Variants in TEX261 observed in about 807,000 individuals in gnomAD.
TEX261 encodes protein TEX261.
In TEX261, 13 loss-of-function variants were observed where a neutral mutation model predicts 25.1. That is an observed-to-expected ratio of 0.52 (90% confidence interval 0.34 to 0.82). The LOEUF (loss-of-function observed/expected upper bound fraction) is 0.82, where lower values mean the gene tolerates loss of function less well. Ranked by LOEUF, TEX261 falls within the 40% of genes least tolerant of loss-of-function variation. TEX261 has a pLI of 0.02. For synonymous variants in TEX261, 92 were observed against 97.8 expected (o/e 0.94, Z 0.35); for missense variants, 206 against 243.2 (o/e 0.85, Z 1.02).
chr2:70,990,043 G>T (rs1044066435), intron 3 of TEX261, among the ~76,000 whole-genome samples: 1 of 152,148 alleles, frequency 6.6e-6, no homozygotes, highest in Admixed American at 6.5e-5. Flanking sequence ...TTAGAAGAAG[G>T]CTCTTTGCAT....
chr2:70,990,051 C>T (rs1553425464), intron 3 of TEX261, among the ~76,000 whole-genome samples: 1 of 152,176 alleles, frequency 6.6e-6, no homozygotes, highest in African/African-American at 2.4e-5. Context: ...AGGCTCTTTG[C>T]ATGTTATAAA....
chr2:70,992,070 A>G, intron 2 of TEX261, 87 bp from the exon 3 acceptor site: 1 of 1,327,148 alleles, frequency 7.5e-7, no homozygotes, highest in Non-Finnish European at 1.0e-6. Context: ...TCTGGGCAGC[A>G]CTAGGTTCAT....
Position 70,988,020 on chromosome 2 carries a change from A to G in TEX261, c.*580T>C, listed in dbSNP as rs1553425106. 6.5e-6 allele frequency: 1 copy of G among 154,736 alleles called. No individual in the cohort carries two copies. 9.6% of individuals were successfully genotyped at this position (154,736 alleles called of 1,614,324 possible). On this transcript the variant is annotated 3_prime_UTR_variant, in exon 6 of 6. Transcript: ENST00000272438. ...CTTGGGAAGGGCAAGACCCAAACCC[A>G]GAAAAGGAGTCCCTGGAGCAGAAAA...
intron 2 of TEX261, among the ~76,000 whole-genome samples, chr2:70,993,088 G>A (rs1359020900): frequency 1.3e-5 from 2 of 152,162 alleles, no homozygotes; most frequent in African/African-American, 4.8e-5. Flanking sequence ...GACACCAGGC[G>A]ACTTGAGGGG....
In TEX261 at chr2:70,989,035, T is replaced by C; in HGVS notation, c.373-18A>G. On this transcript the variant is annotated intron_variant, in intron 4 of 5. Coordinates refer to ENST00000272438, the MANE Select transcript of TEX261 (RefSeq NM_144582.3). The stretch of plus-strand genomic sequence containing the variant: ...GCCAGGACCTGGCAACAAGAGAGAC[T>C]GAGAAGAGGGTGCCCCGGAGGTGCC... 6.2e-7 allele frequency: 1 copy of C among 1,607,184 alleles called. No individual in the cohort carries two copies. The highest frequency in any genetic ancestry group is 8.5e-7 in the Non-Finnish European group (1 of 1,176,128).
At chr2:70,992,606 A>G (rs1451737969) in intron 2 of TEX261, among the ~76,000 whole-genome samples, 1 of 152,014 alleles carries the variant, frequency 6.6e-6, no homozygotes, top group African/African-American at 2.4e-5. Context: ...GCACATGCCT[A>G]TAATCCCAGC....
rs1428009765 is a variant in TEX261, at chr2:70,993,704, T to C, written c.142A>G (p.Met48Val). 1.2e-6 allele frequency: 2 copies of C among 1,613,532 alleles called. No homozygotes were observed. The highest frequency in any genetic ancestry group is 2.7e-5 in the African/African-American group (2 of 74,896). The change falls in exon 2 of 6, where the codon ATG becomes GTG. Residue 48 changes from methionine to valine, a missense_variant. By Grantham distance (21) the Met-to-Val change is conservative (BLOSUM62 1). Coordinates refer to ENST00000272438, the MANE Select transcript of TEX261 (RefSeq NM_144582.3). ...AGAAAGATGCCACTTACCCAGATCATGTATTTTATGATCCTGCTGGTGGCC... is the reference window on the plus strand; with the variant it reads ...AGAAAGATGCCACTTACCCAGATCACGTATTTTATGATCCTGCTGGTGGCC... ...TVATSRIIKYMIWFSTAVLIG... is the reference protein window; with the variant it reads ...TVATSRIIKYVIWFSTAVLIG...
At position 70,987,249 on chromosome 2, in the gene TEX261, A is replaced by T. The variant is rs1670206039; in HGVS notation, c.*1351T>A. ...TCGTTCACACTAAGAGGAGACCAAC[A>T]TGTGCTCTTCCTCTCAGGGAAAGGG... is the stretch of plus-strand genomic sequence containing the variant. On this transcript the variant is annotated 3_prime_UTR_variant, in exon 6 of 6. Coordinates refer to ENST00000272438, the MANE Select transcript of TEX261 (RefSeq NM_144582.3). 1 of 152,198 alleles carries T rather than the reference A, an allele frequency of 6.6e-6. No homozygotes were observed. The highest frequency in any genetic ancestry group is 2.1e-4 in the South Asian group (1 of 4,834). 9.4% of individuals were successfully genotyped at this position (152,198 alleles called of 1,614,324 possible). A position where few individuals can be genotyped will look rare whatever the true frequency, so the allele number is the denominator to read the frequency against.
chr2:70,991,015 A>G (rs1310680899), intron 3 of TEX261, among the ~76,000 whole-genome samples: 10 of 152,172 alleles, frequency 6.6e-5, no homozygotes, highest in Admixed American at 3.9e-4. Flanking sequence ...TAGAAAAGTC[A>G]CTCTAAAAAA....
In TEX261 at chr2:70,992,015, G is replaced by A. The variant is rs781988624; in HGVS notation, c.151-32C>T. 7.2e-6 allele frequency: 11 copies of A among 1,535,022 alleles called. No homozygotes were observed. In the African/African-American group the frequency reaches 8.3e-5, roughly 12 times the overall value. ...CAACCAGAGGCAGACAGTGCAGGGC[G>A]CTTCTTCCAGGCAACGTTCCTGGAC... On this transcript the variant is annotated intron_variant, in intron 2 of 5. Transcript: ENST00000272438.
intron 4 of TEX261, 22 bp from the exon 5 acceptor site, chr2:70,989,039 A>C: frequency 1.1e-5 from 18 of 1,605,058 alleles, no homozygotes; most frequent in Non-Finnish European, 1.5e-5. Flanking sequence ...AGAGACTGAG[A>C]AGAGGGTGCC....
intron 1 of TEX261, 58 bp downstream of exon 1, chr2:70,994,630 C>A: frequency 6.4e-7 from 1 of 1,555,674 alleles, no homozygotes; most frequent in Non-Finnish European, 8.7e-7. Context: ...GATGCGACCC[C>A]CAACGAGCAC....
intron 2 of TEX261, among the ~76,000 whole-genome samples, chr2:70,992,348 T>G (rs113001710): frequency 0.012 from 1,823 of 152,188 alleles, 17 homozygotes; most frequent in Admixed American, 0.027. Flanking sequence ...GGTCTCAAAC[T>G]TCTGATGGCC....
chr2:70,992,738 A>T (rs542265003), intron 2 of TEX261, among the ~76,000 whole-genome samples: 1 of 152,198 alleles, frequency 6.6e-6, no homozygotes, highest in South Asian at 2.1e-4. Flanking sequence ...TCAAAAAAAA[A>T]AAAAGAAAAA....
Position 70,994,790 on chromosome 2 carries a change from G to A in TEX261, c.-33C>T. ...CCACCCGCCCGCTCCCCGGCCACCG[G>A]GACGGGCCTGCGCGCTTCGGCTCCG... On this transcript the variant is annotated 5_prime_UTR_variant, in exon 1 of 6. Transcript: ENST00000272438. 7.1e-6 allele frequency: 11 copies of A among 1,557,182 alleles called. No homozygotes were observed. Among genetic ancestry groups the A allele is most frequent in the Non-Finnish European group, 9.5e-6 (11 of 1,154,064 alleles).
At chr2:70,994,235 C>A (rs575708435) in intron 1 of TEX261, among the ~76,000 whole-genome samples, 3 of 152,356 alleles carry the variant, frequency 2.0e-5, no homozygotes, top group East Asian at 3.9e-4. Context: ...GGACCATCAA[C>A]CCCTGTGGAC....
chr2:70,992,467 C>A (rs1553425741), intron 2 of TEX261, among the ~76,000 whole-genome samples: 1 of 152,106 alleles, frequency 6.6e-6, no homozygotes, highest in East Asian at 1.9e-4. Context: ...AGGTGGCTCA[C>A]GCCTGGAATC....
intron 3 of TEX261, 91 bp from the exon 4 acceptor site, chr2:70,989,907 C>T: frequency 3.2e-6 from 3 of 926,694 alleles, no homozygotes; most frequent in South Asian, 2.7e-5. Context: ...TTGGGAGCCT[C>T]CATGGAGTCT....
chr2:70,991,597 C>A (rs1246563702), intron 3 of TEX261, among the ~76,000 whole-genome samples: 2 of 152,192 alleles, frequency 1.3e-5, no homozygotes, highest in African/African-American at 4.8e-5. Flanking sequence ...TTCAAACTTA[C>A]CTCTCTGGGA....
Sources: gnomAD v4.1 joint callset for allele counts (sites outside exome capture counted in the v4.1 genomes callset) on GRCh38, gnomAD v4.1.1 for gene constraint, MANE v1.5 for transcripts, NCBI Gene and HGNC (gene_info 2026-07-23, HGNC 2026-07-21) for gene names.